The following SNTG1 variants were observed in gnomAD, a reference collection of about 807,000 sequenced individuals.
SNTG1 encodes syntrophin gamma 1, also known as gamma-1-syntrophin.
A neutral mutation model predicts 74.7 loss-of-function variants in SNTG1; 39 were observed. The observed-to-expected ratio is 0.52, with a 90% confidence interval of 0.40 to 0.68. The LOEUF (loss-of-function observed/expected upper bound fraction) is 0.68, where lower values mean the gene tolerates loss of function less well. SNTG1 is among the 30% of genes least tolerant of loss of function. The pLI is 0.00. For synonymous variants in SNTG1, 254 were observed against 217.1 expected, an observed-to-expected ratio of 1.17 and a Z score of -1.49; for missense variants, 685 against 609.5, an observed-to-expected ratio of 1.12 and a Z score of -1.30.
chr8:50,723,361 G>T (rs1007495575), intron 17 of SNTG1, among the ~76,000 whole-genome samples: 3 of 152,014 alleles, frequency 2.0e-5, no homozygotes, highest in Non-Finnish European at 4.4e-5. Flanking sequence ...ATTACTAATG[G>T]CAGGAATTAT....
intron 1 of SNTG1, among the ~76,000 whole-genome samples, chr8:49,999,198 C>G (rs1056995922): frequency 8.5e-5 from 13 of 152,158 alleles, no homozygotes; most frequent in Admixed American, 1.3e-4. Context: ...AAACCTAATA[C>G]TTGATTTTTC....
chr8:50,756,905 A>G (rs1054889800), intron 18 of SNTG1, among the ~76,000 whole-genome samples: 7 of 151,788 alleles, frequency 4.6e-5, no homozygotes, highest in Non-Finnish European at 8.8e-5. Context: ...TGAATATAAA[A>G]TATATTCCAT....
intron 13 of SNTG1, among the ~76,000 whole-genome samples, chr8:50,654,690 T>A (rs190363439): frequency 6.6e-6 from 1 of 152,186 alleles, no homozygotes; most frequent in Non-Finnish European, 1.5e-5. Context: ...TAAGTAATGT[T>A]ATTGTCATCC....
At chr8:50,432,996 G>A (rs991605327) in intron 4 of SNTG1, among the ~76,000 whole-genome samples, 1 of 151,922 alleles carries the variant, frequency 6.6e-6, no homozygotes, top group Non-Finnish European at 1.5e-5. Flanking sequence ...CACCATGTCG[G>A]CCAGGCTGGT....
intron 12 of SNTG1, among the ~76,000 whole-genome samples, chr8:50,558,187 G>A (rs912584676): frequency 6.6e-6 from 1 of 152,172 alleles, no homozygotes; most frequent in Admixed American, 6.5e-5. Context: ...TTAGATAGAG[G>A]GTGGATTTTC....
chr8:50,294,514 C>T (rs894363844), intron 2 of SNTG1, among the ~76,000 whole-genome samples: 1 of 152,152 alleles, frequency 6.6e-6, no homozygotes, highest in Non-Finnish European at 1.5e-5. Context: ...TGGGAAACAG[C>T]TGATGTTGCA....
At chr8:50,054,533 C>T (rs1365301292) in intron 1 of SNTG1, among the ~76,000 whole-genome samples, 2 of 152,186 alleles carry the variant, frequency 1.3e-5, no homozygotes, top group East Asian at 3.9e-4. Flanking sequence ...TGTTCCATAT[C>T]ATTTTTCATA....
chr8:50,709,462 A>G (rs1290827570), intron 17 of SNTG1, among the ~76,000 whole-genome samples: 1 of 151,844 alleles, frequency 6.6e-6, no homozygotes, highest in Admixed American at 6.6e-5. Context: ...AGGGAGTAGG[A>G]CTTTTATAAA....
At chr8:49,944,937 A>G (rs894331456) in intron 1 of SNTG1, among the ~76,000 whole-genome samples, 1 of 151,982 alleles carries the variant, frequency 6.6e-6, no homozygotes, top group African/African-American at 2.4e-5. Context: ...ACATGCGCCC[A>G]CCACAATGCC....
chr8:50,301,983 A>C (rs1052219892), intron 2 of SNTG1, among the ~76,000 whole-genome samples: 16 of 151,822 alleles, frequency 1.1e-4, no homozygotes, highest in African/African-American at 3.4e-4. Flanking sequence ...CAGCCTCCTA[A>C]ATAGCTGGGA....
Position 50,141,699 on chromosome 8 carries a change from G to A in SNTG1, c.-102-30862G>A, listed in dbSNP as rs141894090. On this transcript the variant is annotated intron_variant, in intron 1 of 18. Transcript: ENST00000642720. The stretch of plus-strand genomic sequence containing the variant: ...CACCTTAGAGAATTCTTAATTTAGT[G>A]GAGGGTGAAAATGTAAGTTTAATGC... Among the ~76,000 whole-genome samples the A allele has an allele frequency of 2.6e-5, 4 of 152,114 alleles. No individual in the cohort carries two copies. The East Asian group carries it at 7.7e-4, about 29-fold the overall frequency.
At chr8:49,958,395 A>G (rs1810373966) in intron 1 of SNTG1, among the ~76,000 whole-genome samples, 1 of 151,670 alleles carries the variant, frequency 6.6e-6, no homozygotes, top group African/African-American at 2.4e-5. Flanking sequence ...TCCAGGAGTG[A>G]GTGGCTTGTC....
At chr8:50,304,889 TA>T (rs894711479) in intron 2 of SNTG1, among the ~76,000 whole-genome samples, 3 of 152,128 alleles carry the variant, frequency 2.0e-5, no homozygotes, top group African/African-American at 7.2e-5. Flanking sequence ...CAGGAACTTT[TA>T]TTTTTATTTT....
intron 1 of SNTG1, among the ~76,000 whole-genome samples, chr8:50,006,261 T>C (rs994187218): frequency 6.6e-6 from 1 of 152,170 alleles, no homozygotes; most frequent in Non-Finnish European, 1.5e-5. Flanking sequence ...GTGCCCGGCC[T>C]AGTAGCACTT....
chr8:50,675,978 T>C (rs958158193), intron 15 of SNTG1, among the ~76,000 whole-genome samples: 5 of 152,084 alleles, frequency 3.3e-5, no homozygotes, highest in Admixed American at 6.6e-5. Flanking sequence ...TTATGGCTTG[T>C]AGAATTTCTG....
At chr8:50,539,334 G>A (rs997756526) in intron 11 of SNTG1, among the ~76,000 whole-genome samples, 1 of 152,072 alleles carries the variant, frequency 6.6e-6, no homozygotes, top group Non-Finnish European at 1.5e-5. Flanking sequence ...GTTGTTTTTA[G>A]CAGGCAATCT....
chr8:50,369,577 C>A (rs1352444019), intron 2 of SNTG1, among the ~76,000 whole-genome samples: 1 of 147,124 alleles, frequency 6.8e-6, no homozygotes, highest in African/African-American at 2.5e-5. Context: ...GCCTGGGCAA[C>A]AAGAGCAAAA....
At chr8:50,103,075 A>G (rs1255713786) in intron 1 of SNTG1, among the ~76,000 whole-genome samples, 1 of 151,994 alleles carries the variant, frequency 6.6e-6, no homozygotes, top group Non-Finnish European at 1.5e-5. Context: ...ACTTGAAAGT[A>G]GTTTTTTCCA....
intron 2 of SNTG1, among the ~76,000 whole-genome samples, chr8:50,196,811 A>C (rs1209038762): frequency 1.3e-5 from 2 of 151,574 alleles, no homozygotes; most frequent in Non-Finnish European, 2.9e-5. Flanking sequence ...ACAAAAAAAA[A>C]AAAACAAAAA....
Sources: allele counts gnomAD v4.1 joint callset (sites outside exome capture counted in the v4.1 genomes callset), GRCh38; gene constraint gnomAD v4.1.1; transcripts MANE v1.5; gene names NCBI Gene and HGNC (gene_info 2026-07-23, HGNC 2026-07-21).